Variants in MORC1 observed in about 807,000 individuals in gnomAD.
MORC1 encodes the protein MORC family CW-type zinc finger 1.
MORC1 carries 59 observed loss-of-function variants against 134.9 expected under a neutral mutation model. That is an observed-to-expected ratio of 0.44 (90% CI 0.35 to 0.54). MORC1 has a LOEUF of 0.54. MORC1 is among the 20% of genes least tolerant of loss of function. The pLI, the probability that MORC1 is intolerant of heterozygous loss-of-function variation, is 0.00. For missense variants in MORC1, 947 were observed against 1,134.5 expected (o/e 0.83, Z 2.37); for synonymous variants, 395 against 391.7 (o/e 1.01, Z -0.10).
intron 20 of MORC1, among the ~76,000 whole-genome samples, chr3:109,001,768 T>G (rs991223491): frequency 6.6e-6 from 1 of 152,206 alleles, no homozygotes; most frequent in Non-Finnish European, 1.5e-5. Flanking sequence ...TCCTTAGGTA[T>G]GTAAATACCT....
At chr3:109,046,751 T>C (rs1051383119) in intron 14 of MORC1, among the ~76,000 whole-genome samples, 5 of 152,246 alleles carry the variant, frequency 3.3e-5, no homozygotes, top group African/African-American at 4.8e-5. Flanking sequence ...GTATACAACA[T>C]GTGTTATAGG....
rs1389536933 is a variant in MORC1 at position 108,986,902 on chromosome 3, CTTT to C, written c.2232_2234del (p.Lys745del). The C allele has an allele frequency of 1.6e-5, 25 of 1,569,782 alleles. No homozygotes were observed. The highest frequency in any genetic ancestry group is 2.2e-5 in the Non-Finnish European group (25 of 1,161,256). ...TACCTTGGTTTAAAAGAGGAATTTC[CTTT>C]TTTTCTTGTTTCAATGAAACATCAG... On this transcript the variant is annotated inframe_deletion, in exon 22 of 28. Transcript: ENST00000232603.
intron 9 of MORC1, among the ~76,000 whole-genome samples, chr3:109,068,273 T>C (rs1178060924): frequency 6.6e-6 from 1 of 152,202 alleles, no homozygotes; most frequent in African/African-American, 2.4e-5. Context: ...GGAAGTTCTT[T>C]AGTGGTAATC....
chr3:109,086,228 A>G (rs1413038589), intron 8 of MORC1, among the ~76,000 whole-genome samples: 1 of 152,058 alleles, frequency 6.6e-6, no homozygotes, highest in African/African-American at 2.4e-5. Flanking sequence ...AAATAGCTAG[A>G]AGAGAATAAT....
In MORC1 at chr3:109,094,433, A is replaced by G. The variant is rs547652510; in HGVS notation, c.583+476T>C. Among the ~76,000 whole-genome samples, 52 of 152,338 alleles carry G rather than the reference A, an allele frequency of 3.4e-4. 1 individual carries two copies. The highest frequency in any genetic ancestry group is 1.3e-3 in the African/African-American group (52 of 41,578). ...ACAGTGCATTCGACGTGTTGAACAG[A>G]AAGTTGGTGGAGGTGGAAAGAATGG... On this transcript the variant is annotated intron_variant, in intron 7 of 27. Transcript: ENST00000232603.
chr3:109,034,171 T>C (rs2107613317), intron 15 of MORC1, among the ~76,000 whole-genome samples: 1 of 152,314 alleles, frequency 6.6e-6, no homozygotes, highest in East Asian at 1.9e-4. Flanking sequence ...CACCAAGTCA[T>C]CCTTCACTGA....
chr3:109,023,099 G>A (rs920633317), intron 17 of MORC1, among the ~76,000 whole-genome samples: 3 of 152,148 alleles, frequency 2.0e-5, no homozygotes, highest in African/African-American at 7.2e-5. Context: ...TGAAATGAAG[G>A]AGATACTTTT....
chr3:108,990,898 T>TTCTCTCTC (rs34333221), intron 21 of MORC1, among the ~76,000 whole-genome samples: 21 of 145,662 alleles, frequency 1.4e-4, no homozygotes, highest in African/African-American at 4.8e-4. Context: ...GTTTCTCTCT[T>TTCTCTCTC]TCTCTCTCTC....
intron 26 of MORC1, among the ~76,000 whole-genome samples, chr3:108,967,712 G>T (rs1175910817): frequency 6.6e-6 from 1 of 152,160 alleles, no homozygotes; most frequent in African/African-American, 2.4e-5. Flanking sequence ...GAAATAGCCA[G>T]GTGTGGTGGT....
At chr3:108,978,955 C>T (rs1017481182) in intron 24 of MORC1, among the ~76,000 whole-genome samples, 13 of 152,096 alleles carry the variant, frequency 8.5e-5, no homozygotes, top group African/African-American at 2.9e-4. Context: ...ATATAGACTT[C>T]TTTGACTTGA....
intron 18 of MORC1, 31 bp downstream of exon 18, chr3:109,006,998 C>T: frequency 6.5e-7 from 1 of 1,535,436 alleles, no homozygotes; most frequent in Non-Finnish European, 8.8e-7. Context: ...AAACATGACA[C>T]AAATTGCTTA....
At chr3:109,102,692 T>A (rs747435766) in intron 4 of MORC1, among the ~76,000 whole-genome samples, 2 of 152,222 alleles carry the variant, frequency 1.3e-5, no homozygotes, top group Admixed American at 6.5e-5. Context: ...TCATGACCCA[T>A]ATAAAAAGAG....
At position 108,969,916 on chromosome 3, in the gene MORC1, A is replaced by G. The variant is rs189103471; in HGVS notation, c.2551-194T>C. 2.2e-3 allele frequency among the ~76,000 whole-genome samples: 339 copies of G among 152,324 alleles called. 1 individual carries two copies. Among genetic ancestry groups the G allele is most frequent in the African/African-American group, 7.4e-3 (309 of 41,580 alleles). On this transcript the variant is annotated intron_variant, in intron 25 of 27. Transcript: ENST00000232603. ...AAATTATACTTTGCTTCCTTCCAAA[A>G]AAGGATTAAGTCAGCTTACATAAAT...
Position 109,089,840 on chromosome 3 carries a change from T to C in MORC1, c.689+3596A>G, listed in dbSNP as rs571149429. ...ACCCTTTGTTTCAAACTCTTGATTT[T>C]CTTTTGATTTTTTACAAAGTTATTT... On this transcript the variant is annotated intron_variant, in intron 8 of 27. Coordinates refer to ENST00000232603, the MANE Select transcript of MORC1 (RefSeq NM_014429.4). Among the ~76,000 whole-genome samples the C allele has an allele frequency of 5.3e-5, 8 of 152,252 alleles. No homozygotes were observed. In the East Asian group the frequency reaches 1.3e-3, roughly 26 times the overall value.
intron 13 of MORC1, 54 bp from the exon 14 acceptor site, chr3:109,054,936 C>A (rs1949922039): frequency 2.1e-6 from 3 of 1,445,714 alleles, no homozygotes; most frequent in South Asian, 1.3e-5. Context: ...AGAAAAAAAT[C>A]AAATATATTC....
chr3:108,985,138 C>T (rs1947862758), intron 22 of MORC1, among the ~76,000 whole-genome samples: 1 of 152,146 alleles, frequency 6.6e-6, no homozygotes, highest in Non-Finnish European at 1.5e-5. Context: ...CCCACTCTCT[C>T]CTATTTGGGG....
At chr3:109,113,149 C>T (rs146526958) in intron 2 of MORC1, among the ~76,000 whole-genome samples, 2 of 152,178 alleles carry the variant, frequency 1.3e-5, no homozygotes, top group Non-Finnish European at 1.5e-5. Flanking sequence ...ATAGGAGGAG[C>T]CTTGCTTCCA....
intron 8 of MORC1, 96 bp from the exon 9 acceptor site, chr3:109,069,853 A>AC: frequency 7.7e-7 from 1 of 1,306,096 alleles, no homozygotes; most frequent in Non-Finnish European, 1.0e-6. Context: ...TATTATTGTT[A>AC]CTACAAGAAG....
intron 18 of MORC1, 136 bp from the exon 19 acceptor site, chr3:109,005,451 C>A: frequency 1.3e-6 from 1 of 798,044 alleles, no homozygotes; most frequent in Non-Finnish European, 1.8e-6. Context: ...AGCTTAGAAA[C>A]AACTTTAATA....
Sources: gnomAD v4.1 joint callset for allele counts (sites outside exome capture counted in the v4.1 genomes callset) on GRCh38, gnomAD v4.1.1 for gene constraint, MANE v1.5 for transcripts, NCBI Gene and HGNC (gene_info 2026-07-23, HGNC 2026-07-21) for gene names.